Variants in DTHD1 observed in about 807,000 individuals in gnomAD.
DTHD1 encodes death domain-containing protein 1.
A neutral mutation model predicts 74.8 loss-of-function variants in DTHD1; 59 were observed. That is an observed-to-expected ratio of 0.79 (90% CI 0.64 to 0.98). The LOEUF is 0.98. Among genes scored for constraint, DTHD1 ranks in the 50% least tolerant of loss-of-function variants. The pLI is 0.00. For missense variants in DTHD1, 1,051 were observed against 1,065.4 expected (o/e 0.99, Z 0.19); for synonymous variants, 365 against 371.1 (o/e 0.98, Z 0.19).
chr4:36,314,405 G>T (rs1041553018), intron 7 of DTHD1, among the ~76,000 whole-genome samples: 1 of 151,590 alleles, frequency 6.6e-6, no homozygotes, highest in Non-Finnish European at 1.5e-5. Context: ...AGGTGCGGTG[G>T]CTCATGCCTG....
At chr4:36,302,870 T>C (rs957900657) in intron 5 of DTHD1, among the ~76,000 whole-genome samples, 2 of 152,228 alleles carry the variant, frequency 1.3e-5, no homozygotes, top group Admixed American at 6.5e-5. Context: ...AAAGTTAACC[T>C]CAAAACATTG....
chr4:36,286,164 G>T (rs775747177), intron 2 of DTHD1, among the ~76,000 whole-genome samples: 18 of 152,180 alleles, frequency 1.2e-4, no homozygotes, highest in Non-Finnish European at 2.4e-4. Context: ...CACATGATTT[G>T]TAAGAATTAC....
intron 8 of DTHD1, 114 bp from the exon 9 acceptor site, chr4:36,338,998 T>C: frequency 1.2e-6 from 1 of 804,938 alleles, no homozygotes; most frequent in South Asian, 1.8e-5. Context: ...TTTTGCAAGG[T>C]ATGCAATTCA....
Position 36,281,866 on chromosome 4 carries a change from G to C in DTHD1, c.108G>C (p.Glu36Asp). ...KQALLGDDLC[E>D]GAGGATWMAT... The stretch of plus-strand genomic sequence containing the variant: ...CACTCTTGGGTGATGACCTTTGTGA[G>C]GGGGCTGGTGGGGCCACTTGGATGG... The change falls in exon 1 of 10, where the codon GAG (glutamate) becomes GAC (aspartate). Residue 36 changes from glutamate to aspartate, a missense_variant. Coordinates refer to ENST00000639862, the MANE Select transcript of DTHD1 (RefSeq NM_001170700.3). 7.9e-7 allele frequency: 1 copy of C among 1,266,124 alleles called. No individual in the cohort carries two copies. The highest frequency in any genetic ancestry group is 1.0e-6 in the Non-Finnish European group (1 of 1,003,320). The allele number at this position is 1,266,124 out of a possible 1,614,324, so 78.4% of individuals were successfully genotyped here.
In DTHD1 at chr4:36,295,438, G is replaced by A. The variant is rs186144388; in HGVS notation, c.1643+399G>A. ...ATCAGATATTATGCAAAGGGATCTCGTCTCTAGAGTCAAGAAAGAGATTCA... is the reference window on the plus strand; with the variant it reads ...ATCAGATATTATGCAAAGGGATCTCATCTCTAGAGTCAAGAAAGAGATTCA... On this transcript the variant is annotated intron_variant, in intron 5 of 9. Transcript: ENST00000639862. Among the ~76,000 whole-genome samples the A allele has an allele frequency of 2.6e-3, 401 of 152,102 alleles. 2 individuals are homozygous for A. The highest frequency in any genetic ancestry group is 0.022 in the Admixed American group (337 of 15,256).
chr4:36,289,821 T>C (rs1178930942), intron 2 of DTHD1, among the ~76,000 whole-genome samples: 2 of 152,118 alleles, frequency 1.3e-5, no homozygotes, highest in African/African-American at 4.8e-5. Flanking sequence ...AATCTTTGCC[T>C]AATTACTATG....
intron 8 of DTHD1, among the ~76,000 whole-genome samples, chr4:36,326,137 G>A (rs1396949307): frequency 6.6e-6 from 1 of 151,664 alleles, no homozygotes; most frequent in Non-Finnish European, 1.5e-5. Flanking sequence ...CTCTTCCCAC[G>A]GGCTGCCATT....
At chr4:36,306,169 C>A in intron 5 of DTHD1, 22 bp from the exon 6 acceptor site, 1 of 1,537,142 alleles carries the variant, frequency 6.5e-7, no homozygotes, top group Non-Finnish European at 8.8e-7. Context: ...GTACCAATAT[C>A]TCTTCTGTTA....
chr4:36,297,695 T>C (rs1756515256), intron 5 of DTHD1, among the ~76,000 whole-genome samples: 1 of 152,140 alleles, frequency 6.6e-6, no homozygotes, highest in South Asian at 2.1e-4. Flanking sequence ...CCTGTGCAGC[T>C]GGAGGTTGTA....
chr4:36,327,043 T>C (rs1355377388), intron 8 of DTHD1, among the ~76,000 whole-genome samples: 1 of 151,880 alleles, frequency 6.6e-6, no homozygotes, highest in Admixed American at 6.6e-5. Flanking sequence ...CTCATCTCAC[T>C]GCAACCTCTG....
At chr4:36,286,932 T>G (rs1334677676) in intron 2 of DTHD1, among the ~76,000 whole-genome samples, 1 of 152,244 alleles carries the variant, frequency 6.6e-6, no homozygotes, top group East Asian at 1.9e-4. Context: ...TTATGTTCTA[T>G]ATACCTGTAT....
intron 8 of DTHD1, among the ~76,000 whole-genome samples, chr4:36,323,778 T>G (rs1313998457): frequency 6.6e-6 from 1 of 152,128 alleles, no homozygotes; most frequent in Non-Finnish European, 1.5e-5. Context: ...ATCATGTCCC[T>G]TCCCCTATCA....
Position 36,346,200 on chromosome 4 carries a change from A to T in DTHD1, c.*2376A>T, listed in dbSNP as rs1759575263. ...CACATATACCCCACCTCCACATTTC[A>T]TATACGCATACACTCATTAATATGC... On this transcript the variant is annotated 3_prime_UTR_variant, in exon 10 of 10. Transcript: ENST00000639862. Among the ~76,000 whole-genome samples, 1 of 151,918 alleles carries T rather than the reference A, an allele frequency of 6.6e-6. No homozygotes were observed. The highest frequency in any genetic ancestry group is 1.5e-5 in the Non-Finnish European group (1 of 67,952).
intron 5 of DTHD1, among the ~76,000 whole-genome samples, chr4:36,302,397 A>T (rs1756829771): frequency 6.6e-6 from 1 of 152,212 alleles, no homozygotes; most frequent in Non-Finnish European, 1.5e-5. Context: ...ACCTACAGTC[A>T]GAATGCAGTT....
intron 7 of DTHD1, among the ~76,000 whole-genome samples, chr4:36,309,108 C>A (rs1026724973): frequency 6.6e-6 from 1 of 152,196 alleles, no homozygotes; most frequent in Non-Finnish European, 1.5e-5. Context: ...TTTCACCAAA[C>A]TCTAAAGGAG....
Position 36,346,508 on chromosome 4 carries a change from C to A in DTHD1, c.*2684C>A, listed in dbSNP as rs1319048875. Among the ~76,000 whole-genome samples, 1 of 152,030 alleles carries A rather than the reference C, an allele frequency of 6.6e-6. No homozygotes were observed. Among genetic ancestry groups the A allele is most frequent in the Non-Finnish European group, 1.5e-5 (1 of 68,002 alleles). On this transcript the variant is annotated 3_prime_UTR_variant, in exon 10 of 10. Transcript: ENST00000639862. ...TAGAGAAAACAATTGATCATCCCTGCAGCATCTCCTCTCTTAAGATAATCC... is the reference window on the plus strand; with the variant it reads ...TAGAGAAAACAATTGATCATCCCTGAAGCATCTCCTCTCTTAAGATAATCC...
intron 3 of DTHD1, among the ~76,000 whole-genome samples, chr4:36,291,095 T>C (rs1056424805): frequency 6.6e-6 from 1 of 152,184 alleles, no homozygotes; most frequent in African/African-American, 2.4e-5. Flanking sequence ...TATCCACGGG[T>C]TGGGAAAATA....
At chr4:36,283,763 C>G (rs1449231036) in intron 1 of DTHD1, 1 of 546,872 alleles carries the variant, frequency 1.8e-6, no homozygotes, top group East Asian at 3.0e-5. Flanking sequence ...TCTTTGCTAC[C>G]ATGTTAAAAA....
intron 8 of DTHD1, among the ~76,000 whole-genome samples, chr4:36,321,158 T>A (rs1437183876): frequency 3.9e-5 from 6 of 152,220 alleles, no homozygotes; most frequent in African/African-American, 9.7e-5. Flanking sequence ...GGTGTCCTGG[T>A]ATGTAGGGTC....
Sources: gnomAD v4.1 joint callset for allele counts (sites outside exome capture counted in the v4.1 genomes callset) on GRCh38, gnomAD v4.1.1 for gene constraint, MANE v1.5 for transcripts, NCBI Gene and HGNC (gene_info 2026-07-23, HGNC 2026-07-21) for gene names.